CNBD1: variants seen among roughly 807,000 people sequenced by gnomAD.
CNBD1 encodes cyclic nucleotide binding domain containing 1.
Under a neutral mutation model 54.4 loss-of-function variants are expected in CNBD1, and 71 were observed. The ratio of observed to expected loss-of-function variants is 1.30; its 90% CI spans 1.08 to 1.59. CNBD1 has a LOEUF of 1.59. CNBD1 is among the 40% of genes most tolerant of loss of function. CNBD1 has a pLI of 0.00. For missense variants in CNBD1, 659 were observed against 518.0 expected, an observed-to-expected ratio of 1.27 and a Z score of -2.64; for synonymous variants, 182 against 170.7, an observed-to-expected ratio of 1.07 and a Z score of -0.51.
At chr8:87,384,556 T>C (rs771173361), downstream of CNBD1, among the ~76,000 whole-genome samples, 1 of 152,108 alleles carries the variant, frequency 6.6e-6, no homozygotes, top group African/African-American at 2.4e-5. Flanking sequence ...GTAGGAATGA[T>C]AGAAAAATTA....
chr8:87,313,857 A>G (rs775871516), intron 8 of CNBD1, among the ~76,000 whole-genome samples: 76 of 151,946 alleles, frequency 5.0e-4, no homozygotes, highest in Non-Finnish European at 1.0e-3. Context: ...TGTCAGCAAC[A>G]AAAATAATTT....
At position 87,266,836 on chromosome 8, in the gene CNBD1, C is replaced by G. The variant is rs79667190; in HGVS notation, c.772-17842C>G. Among the ~76,000 whole-genome samples the G allele has an allele frequency of 7.2e-3, 1,099 of 152,076 alleles. 13 individuals carry two copies. The highest frequency in any genetic ancestry group is 0.025 in the African/African-American group (1,038 of 41,442). On this transcript the variant is annotated intron_variant, in intron 6 of 10. Transcript: ENST00000518476. ...ATTTGGGTAAGGGCAGTTGGTTATA[C>G]AGACAGAAAAGATAAAACTGCATGC... is the stretch of plus-strand genomic sequence containing the variant.
At chr8:87,084,590 AT>A (rs1308059766) in intron 4 of CNBD1, among the ~76,000 whole-genome samples, 1 of 150,840 alleles carries the variant, frequency 6.6e-6, no homozygotes, top group Non-Finnish European at 1.5e-5. Flanking sequence ...GAAATGGGTC[AT>A]TTTTTTCTGT....
At chr8:87,142,863 G>A (rs62527291) in intron 4 of CNBD1, among the ~76,000 whole-genome samples, 28,206 of 150,356 alleles carry the variant, frequency 0.19, 2,921 homozygotes, top group Non-Finnish European at 0.24. Context: ...CTCGTTGTTC[G>A]TGAGATTTTC....
chr8:87,032,605 G>C (rs575568699), intron 4 of CNBD1, among the ~76,000 whole-genome samples: 201 of 152,184 alleles, frequency 1.3e-3, no homozygotes, highest in Non-Finnish European at 2.2e-3. Context: ...GATGTGGAAG[G>C]GGAGGCAGAA....
rs529178057 is a variant in CNBD1, at chr8:87,011,249, TCTG to T, written c.431+71498_431+71500del. 9.5e-4 allele frequency among the ~76,000 whole-genome samples: 144 copies of T among 151,352 alleles called. 2 individuals carry two copies. Among genetic ancestry groups the T allele is most frequent in the African/African-American group, 3.3e-3 (138 of 41,300 alleles). ...ACAGCACTGTGCAACTAAAGAATTC[TCTG>T]CTTAGATTGTATCCTCTTAGGTTTA... On this transcript the variant is annotated intron_variant, in intron 4 of 10. Transcript: ENST00000518476.
At chr8:86,941,240 T>C (rs1001501178) in intron 4 of CNBD1, among the ~76,000 whole-genome samples, 2 of 152,190 alleles carry the variant, frequency 1.3e-5, no homozygotes, top group African/African-American at 4.8e-5. Context: ...CCACCTGTCA[T>C]AGAAGAGTAA....
intron 4 of CNBD1, among the ~76,000 whole-genome samples, chr8:87,188,630 G>A (rs1178448953): frequency 6.6e-6 from 1 of 151,752 alleles, no homozygotes; most frequent in East Asian, 1.9e-4. Flanking sequence ...GGAGACCGAG[G>A]TAAGAGAATC....
chr8:87,284,460 T>G (rs1047259355), intron 6 of CNBD1, among the ~76,000 whole-genome samples: 7 of 152,156 alleles, frequency 4.6e-5, no homozygotes, highest in African/African-American at 1.7e-4. Context: ...AACAGAAGAT[T>G]TTTTATGTTA....
At chr8:86,966,782 A>C (rs73271742) in intron 4 of CNBD1, among the ~76,000 whole-genome samples, 3,035 of 152,254 alleles carry the variant, frequency 0.02, 97 homozygotes, top group African/African-American at 0.067. Flanking sequence ...CGAAAGAGTG[A>C]GCAGCAGCAA....
intron 4 of CNBD1, among the ~76,000 whole-genome samples, chr8:86,953,079 C>A (rs1182641917): frequency 1.3e-5 from 2 of 152,196 alleles, no homozygotes; most frequent in Non-Finnish European, 2.9e-5. Context: ...ATTCCTTTTT[C>A]TTTCTGAATA....
At chr8:87,342,768 A>G (rs961896867) in intron 8 of CNBD1, among the ~76,000 whole-genome samples, 1 of 152,154 alleles carries the variant, frequency 6.6e-6, no homozygotes, top group Non-Finnish European at 1.5e-5. Context: ...GGTCACAAGG[A>G]TCACATGCTT....
intron 2 of CNBD1, among the ~76,000 whole-genome samples, chr8:86,898,243 T>G (rs1369925457): frequency 6.6e-6 from 1 of 152,218 alleles, no homozygotes; most frequent in Admixed American, 6.5e-5. Flanking sequence ...TATTCACTGA[T>G]TTAACATGGG....
At chr8:87,404,106 T>A (rs970361577) in intron 2 of CNBD1, among the ~76,000 whole-genome samples, 1 of 151,958 alleles carries the variant, frequency 6.6e-6, no homozygotes, top group Non-Finnish European at 1.5e-5. Context: ...GGGAAGGTAT[T>A]AGATCAAGAG....
intron 4 of CNBD1, among the ~76,000 whole-genome samples, chr8:87,146,646 T>C (rs1425402077): frequency 1.3e-5 from 2 of 152,180 alleles, no homozygotes; most frequent in African/African-American, 4.8e-5. Context: ...AGCCACAGCA[T>C]AGGAATTTTC....
At chr8:86,932,598 C>G (rs1266521582) in intron 3 of CNBD1, among the ~76,000 whole-genome samples, 1 of 152,154 alleles carries the variant, frequency 6.6e-6, no homozygotes, top group East Asian at 1.9e-4. Flanking sequence ...TTCCCTCTTA[C>G]AGAAAAGGTC....
At chr8:87,188,418 A>G (rs1486377559) in intron 4 of CNBD1, among the ~76,000 whole-genome samples, 1 of 152,172 alleles carries the variant, frequency 6.6e-6, no homozygotes, top group Non-Finnish European at 1.5e-5. Flanking sequence ...CCATTGCACA[A>G]AACTATTTGC....
chr8:87,427,773 C>G (rs557198297), intron 2 of CNBD1, among the ~76,000 whole-genome samples: 2 of 152,234 alleles, frequency 1.3e-5, no homozygotes, highest in South Asian at 2.1e-4. Context: ...TGTGTTTTCA[C>G]TCGTCTGTCT....
chr8:87,367,829 T>C (rs1379769595), intron 10 of CNBD1, among the ~76,000 whole-genome samples: 2 of 152,100 alleles, frequency 1.3e-5, no homozygotes, highest in East Asian at 3.9e-4. Context: ...CTCATTGGGA[T>C]GAGAGAGAAC....
Sources: allele counts gnomAD v4.1 joint callset (sites outside exome capture counted in the v4.1 genomes callset), GRCh38; gene constraint gnomAD v4.1.1; transcripts MANE v1.5; gene names NCBI Gene and HGNC (gene_info 2026-07-23, HGNC 2026-07-21).